The following SPMIP2 variants were observed in gnomAD, a reference collection of about 807,000 sequenced individuals.
The protein encoded by SPMIP2 is sperm microtubule inner protein 2.
the SPMIP2 span, among the ~76,000 whole-genome samples, chr4:158,997,675 C>T: frequency 6.6e-6 from 1 of 152,020 alleles, no homozygotes; most frequent in Admixed American, 6.6e-5. Flanking sequence ...TGTTTAGAGA[C>T]AGGGTCTCAC....
the SPMIP2 span, among the ~76,000 whole-genome samples, chr4:159,077,977 G>C: frequency 6.6e-6 from 1 of 152,076 alleles, no homozygotes; most frequent in East Asian, 1.9e-4. Context: ...AGAGTCTCAA[G>C]TTTATATATA....
At chr4:158,924,841 G>T in the SPMIP2 span, among the ~76,000 whole-genome samples, 1 of 152,150 alleles carries the variant, frequency 6.6e-6, no homozygotes, top group Admixed American at 6.5e-5. Context: ...TCATTCTGTT[G>T]ACATGGTATA....
the SPMIP2 span, among the ~76,000 whole-genome samples, chr4:158,956,528 A>C: frequency 1.3e-5 from 2 of 152,128 alleles, no homozygotes; most frequent in East Asian, 3.9e-4. Context: ...GCGCCGTTGC[A>C]CTCCAGCCTC....
At chr4:158,989,230 C>T in the SPMIP2 span, among the ~76,000 whole-genome samples, 2 of 151,940 alleles carry the variant, frequency 1.3e-5, no homozygotes, top group African/African-American at 2.4e-5. Flanking sequence ...CAAGGAAATG[C>T]GAGAGGACAC....
At chr4:159,033,598 G>T in the SPMIP2 span, among the ~76,000 whole-genome samples, 1 of 152,152 alleles carries the variant, frequency 6.6e-6, no homozygotes, top group Admixed American at 6.5e-5. Context: ...CTTTGGAAAT[G>T]AATAGAGTTT....
the SPMIP2 span, among the ~76,000 whole-genome samples, chr4:158,940,777 T>A: frequency 2.0e-5 from 3 of 152,204 alleles, no homozygotes; most frequent in Non-Finnish European, 2.9e-5. Context: ...TGGATACATA[T>A]GTGGATATGT....
the SPMIP2 span, among the ~76,000 whole-genome samples, chr4:158,938,182 G>GAT: frequency 1.7e-4 from 26 of 152,318 alleles, no homozygotes; most frequent in South Asian, 5.4e-3. Context: ...AAGTATTTAA[G>GAT]AAAGCACAAG....
the SPMIP2 span, among the ~76,000 whole-genome samples, chr4:158,916,617 A>ATG: frequency 9.0e-6 from 1 of 111,644 alleles, no homozygotes; most frequent in South Asian, 3.7e-4. Flanking sequence ...TTATGTATGT[A>ATG]CATATGTATG....
At chr4:158,950,854 T>C in the SPMIP2 span, among the ~76,000 whole-genome samples, 3 of 151,958 alleles carry the variant, frequency 2.0e-5, no homozygotes, top group African/African-American at 7.3e-5. Flanking sequence ...GATTGCACCA[T>C]TGCACTCCAG....
the SPMIP2 span, among the ~76,000 whole-genome samples, chr4:159,015,199 A>G: frequency 6.6e-6 from 1 of 152,190 alleles, no homozygotes; most frequent in African/African-American, 2.4e-5. Flanking sequence ...GCTAATATAC[A>G]AATGCAAGGA....
chr4:158,955,864 C>T, the SPMIP2 span, among the ~76,000 whole-genome samples: 493 of 152,248 alleles, frequency 3.2e-3, 1 homozygote, highest in African/African-American at 0.011. Flanking sequence ...GGAAGAAGTC[C>T]GGTAATTGTG....
the SPMIP2 span, among the ~76,000 whole-genome samples, chr4:159,017,356 T>TACACATACACACACACACAC: frequency 1.5e-3 from 224 of 149,404 alleles, 1 homozygote; most frequent in African/African-American, 4.7e-3. Flanking sequence ...CACAAACACA[T>TACACATACACACACACACAC]ACACACACAC....
chr4:158,905,105 C>CTGTT, the SPMIP2 span: 1 of 152,482 alleles, frequency 6.6e-6, no homozygotes, highest in Non-Finnish European at 1.5e-5. Flanking sequence ...TTAGCAGTGA[C>CTGTT]TGTTTGACAT....
the SPMIP2 span, among the ~76,000 whole-genome samples, chr4:159,067,345 A>G: frequency 1.3e-5 from 2 of 152,094 alleles, no homozygotes; most frequent in African/African-American, 4.8e-5. Flanking sequence ...CCTGGGTTCA[A>G]GCGATTCTGC....
the SPMIP2 span, among the ~76,000 whole-genome samples, chr4:159,028,495 G>T: frequency 1.3e-5 from 2 of 151,982 alleles, no homozygotes; most frequent in African/African-American, 4.8e-5. Context: ...ACACTCGGCT[G>T]ATTTTTAGAA....
At chr4:159,064,108 G>T in the SPMIP2 span, among the ~76,000 whole-genome samples, 1 of 152,172 alleles carries the variant, frequency 6.6e-6, no homozygotes, top group Non-Finnish European at 1.5e-5. Context: ...CTACTCAGGA[G>T]GCTGAGGCAG....
chr4:159,029,781 C>T, the SPMIP2 span, among the ~76,000 whole-genome samples: 1 of 152,052 alleles, frequency 6.6e-6, no homozygotes, highest in African/African-American at 2.4e-5. Flanking sequence ...TCTGGTTATC[C>T]AATAGATTAT....
the SPMIP2 span, chr4:158,960,342 A>G: frequency 3.2e-6 from 5 of 1,543,930 alleles, no homozygotes; most frequent in African/African-American, 6.8e-5. Context: ...TTAGTTCTTC[A>G]TACTGTAAAA....
the SPMIP2 span, among the ~76,000 whole-genome samples, chr4:159,082,477 G>A: frequency 6.0e-5 from 9 of 150,590 alleles, no homozygotes; most frequent in Admixed American, 6.0e-4. Context: ...GTGTGTGTGT[G>A]TGTGTGTGTG....
Sources: allele counts gnomAD v4.1 joint callset (sites outside exome capture counted in the v4.1 genomes callset), GRCh38; gene constraint gnomAD v4.1.1; transcripts MANE v1.5; gene names NCBI Gene and HGNC (gene_info 2026-07-23, HGNC 2026-07-21).